The following KAZN variants were observed in gnomAD, a reference collection of about 807,000 sequenced individuals.
The protein encoded by KAZN is kazrin.
Under a neutral mutation model 87.4 loss-of-function variants are expected in KAZN, and 40 were observed. That is an observed-to-expected ratio of 0.46 (90% CI 0.36 to 0.60). The LOEUF (loss-of-function observed/expected upper bound fraction) is 0.60. Among genes scored for constraint, KAZN ranks in the 20% least tolerant of loss-of-function variants. KAZN has a pLI of 0.00. For synonymous variants in KAZN, 466 were observed against 458.3 expected, an observed-to-expected ratio of 1.02 and a Z score of -0.22; for missense variants, 898 against 1,073.9, an observed-to-expected ratio of 0.84 and a Z score of 2.29.
chr1:14,733,220 T>C (rs977805048), intron 1 of KAZN, among the ~76,000 whole-genome samples: 16 of 152,142 alleles, frequency 1.1e-4, no homozygotes, highest in Admixed American at 9.8e-4. Context: ...GTCTGAGTGA[T>C]TGCAGAATTC....
chr1:14,510,752 A>G (rs1393072871), intron 2 of KAZN, among the ~76,000 whole-genome samples: 1 of 152,190 alleles, frequency 6.6e-6, no homozygotes, highest in African/African-American at 2.4e-5. Context: ...AAGGATGATG[A>G]TGGCTTGGCT....
intron 2 of KAZN, among the ~76,000 whole-genome samples, chr1:14,540,950 T>A (rs547191126): frequency 6.6e-6 from 1 of 152,280 alleles, no homozygotes; most frequent in South Asian, 2.1e-4. Context: ...TAAAGCTGCA[T>A]AAATAATTAG....
At chr1:14,473,233 T>C in intron 2 of KAZN, among the ~76,000 whole-genome samples, 1 of 139,242 alleles carries the variant, frequency 7.2e-6, no homozygotes, top group East Asian at 2.2e-4. Context: ...AAATAACAAA[T>C]GCTTAGGACA....
intron 2 of KAZN, among the ~76,000 whole-genome samples, chr1:14,338,537 A>G (rs566046450): frequency 6.6e-6 from 1 of 151,654 alleles, no homozygotes; most frequent in South Asian, 2.1e-4. Flanking sequence ...AGAGAAAAGA[A>G]AACATGTAAA....
At chr1:14,424,022 A>G (rs531846612) in intron 2 of KAZN, among the ~76,000 whole-genome samples, 1 of 152,326 alleles carries the variant, frequency 6.6e-6, no homozygotes, top group South Asian at 2.1e-4. Context: ...CCTTAAGCCC[A>G]TCCTGGACAC....
At chr1:14,205,193 C>G (rs138627133) in intron 2 of KAZN, among the ~76,000 whole-genome samples, 66 of 152,294 alleles carry the variant, frequency 4.3e-4, no homozygotes, top group African/African-American at 1.5e-3. Context: ...AGTCTCATGA[C>G]TGTAATAAGC....
At chr1:14,900,619 T>C (rs1655761277) in intron 1 of KAZN, among the ~76,000 whole-genome samples, 1 of 151,844 alleles carries the variant, frequency 6.6e-6, no homozygotes, top group Non-Finnish European at 1.5e-5. Context: ...CCAGGTGTGG[T>C]GGCAGGCACC....
chr1:14,465,892 C>T (rs1433680330), intron 2 of KAZN, among the ~76,000 whole-genome samples: 9 of 152,098 alleles, frequency 5.9e-5, no homozygotes, highest in East Asian at 1.9e-4. Flanking sequence ...ACAGTGGTCC[C>T]GTATGATTAT....
chr1:14,720,536 C>T (rs888683314), intron 1 of KAZN, among the ~76,000 whole-genome samples: 3 of 152,158 alleles, frequency 2.0e-5, no homozygotes, highest in Non-Finnish European at 2.9e-5. Context: ...TCTGCTAGCT[C>T]GCTCTGACAA....
chr1:14,560,266 G>A (rs1455870473), intron 2 of KAZN, among the ~76,000 whole-genome samples: 5 of 152,118 alleles, frequency 3.3e-5, no homozygotes, highest in Non-Finnish European at 5.9e-5. Flanking sequence ...AGATTGTAAG[G>A]GCGGCATGAG....
intron 1 of KAZN, among the ~76,000 whole-genome samples, chr1:14,903,317 G>T (rs1029015218): frequency 2.0e-5 from 3 of 152,198 alleles, no homozygotes. Context: ...TTGTGAAGTG[G>T]CCCGCTTTGA....
In KAZN at chr1:14,689,960, A is replaced by G. The variant is rs1197323155; in HGVS notation, c.226+90737A>G. ...GTGAAAGGGGCATCTGAGTGCCTGC[A>G]GGGTTTCCATCTTCTCTGTGGGAAT... On this transcript the variant is annotated intron_variant, in intron 1 of 14. Transcript: ENST00000376030. 2.0e-5 allele frequency among the ~76,000 whole-genome samples: 3 copies of G among 152,278 alleles called. No individual in the cohort carries two copies. The East Asian group carries it at 5.8e-4, about 29-fold the overall frequency.
intron 1 of KAZN, among the ~76,000 whole-genome samples, chr1:14,680,660 T>C (rs1640517211): frequency 6.6e-6 from 1 of 152,050 alleles, no homozygotes. Flanking sequence ...CCCCTCCCTA[T>C]GTCCGTGTGT....
chr1:14,650,224 A>C (rs574138941), intron 1 of KAZN, among the ~76,000 whole-genome samples: 2 of 152,122 alleles, frequency 1.3e-5, no homozygotes, highest in Non-Finnish European at 2.9e-5. Context: ...TCAAATACAT[A>C]TTAAAAATTT....
intron 1 of KAZN, among the ~76,000 whole-genome samples, chr1:14,152,011 G>A (rs367642459): frequency 6.6e-6 from 1 of 152,284 alleles, no homozygotes; most frequent in East Asian, 1.9e-4. Flanking sequence ...TTGCCTTGCA[G>A]TACTTTTAAA....
At chr1:14,364,373 A>G (rs1419530176) in intron 2 of KAZN, among the ~76,000 whole-genome samples, 1 of 152,220 alleles carries the variant, frequency 6.6e-6, no homozygotes, top group East Asian at 1.9e-4. Context: ...TCCTAGAGCC[A>G]CTACAACGAT....
chr1:14,346,222 T>G (rs947298245), intron 2 of KAZN, among the ~76,000 whole-genome samples: 3 of 152,262 alleles, frequency 2.0e-5, no homozygotes, highest in African/African-American at 7.2e-5. Context: ...CACAAGACTC[T>G]TCCCACCACT....
At chr1:14,222,934 A>T (rs1009035210) in intron 2 of KAZN, 1 of 152,188 alleles carries the variant, frequency 6.6e-6, no homozygotes, top group African/African-American at 2.4e-5. Context: ...ATCATCATCA[A>T]CATCTTCATC....
At chr1:14,180,736 A>T in intron 2 of KAZN, 1 of 632,754 alleles carries the variant, frequency 1.6e-6, no homozygotes, top group Non-Finnish European at 2.7e-6. Context: ...TGAGTATTGG[A>T]TTTCTGATTA....
Sources: gnomAD v4.1 joint callset for allele counts (sites outside exome capture counted in the v4.1 genomes callset) on GRCh38, gnomAD v4.1.1 for gene constraint, MANE v1.5 for transcripts, NCBI Gene and HGNC (gene_info 2026-07-23, HGNC 2026-07-21) for gene names.